Variants in KIF6 observed in about 807,000 individuals in gnomAD.
The protein encoded by KIF6 is kinesin family member 6, also known as kinesin-like protein KIF6.
A neutral mutation model predicts 112.7 loss-of-function variants in KIF6; 106 were observed. The observed-to-expected ratio is 0.94, with a 90% CI of 0.80 to 1.11. The LOEUF (loss-of-function observed/expected upper bound fraction) is 1.11, where lower values mean the gene tolerates loss of function less well. Among genes scored for constraint, KIF6 ranks in the 50% least tolerant of loss-of-function variants. KIF6 has a pLI of 0.00. For missense variants in KIF6, 929 were observed against 964.0 expected, an observed-to-expected ratio of 0.96 and a Z score of 0.48; for synonymous variants, 339 against 339.9, an observed-to-expected ratio of 1.00 and a Z score of 0.03.
chr6:39,455,476 A>G (rs1280946399), intron 13 of KIF6, among the ~76,000 whole-genome samples: 2 of 152,074 alleles, frequency 1.3e-5, no homozygotes. Context: ...TCCTCCTCCA[A>G]AGGAATGCAG....
At chr6:39,621,663 G>A (rs979753041) in intron 5 of KIF6, among the ~76,000 whole-genome samples, 8 of 152,134 alleles carry the variant, frequency 5.3e-5, no homozygotes, top group African/African-American at 1.9e-4. Context: ...AGTGTATGTT[G>A]CACATTAAAA....
At chr6:39,436,436 C>T (rs994677582) in intron 13 of KIF6, among the ~76,000 whole-genome samples, 2 of 151,374 alleles carry the variant, frequency 1.3e-5, no homozygotes, top group African/African-American at 4.8e-5. Context: ...GAATTCTTTG[C>T]CTAGTCCAAT....
chr6:39,668,381 A>G (rs906345691), intron 3 of KIF6, among the ~76,000 whole-genome samples: 1 of 152,188 alleles, frequency 6.6e-6, no homozygotes, highest in African/African-American at 2.4e-5. Flanking sequence ...GATAAGTTCA[A>G]ACACTGACTC....
chr6:39,610,861 T>A (rs185977235), intron 6 of KIF6, among the ~76,000 whole-genome samples: 1 of 152,178 alleles, frequency 6.6e-6, no homozygotes, highest in Admixed American at 6.5e-5. Context: ...CAAAACCTAT[T>A]AGACTTGGTT....
At chr6:39,502,552 G>A (rs1485696706) in intron 13 of KIF6, among the ~76,000 whole-genome samples, 21 of 152,158 alleles carry the variant, frequency 1.4e-4, no homozygotes, top group Non-Finnish European at 2.5e-4. Flanking sequence ...GGAATGGCAA[G>A]CAGGATAAAA....
chr6:39,535,603 C>T (rs1252575580), intron 13 of KIF6, among the ~76,000 whole-genome samples: 4 of 152,130 alleles, frequency 2.6e-5, no homozygotes, highest in Non-Finnish European at 1.5e-5. Flanking sequence ...GACTGCCACA[C>T]AATAATAATG....
chr6:39,639,944 C>A (rs979694494), intron 3 of KIF6, among the ~76,000 whole-genome samples, 187 bp from the exon 4 acceptor site: 1 of 152,090 alleles, frequency 6.6e-6, no homozygotes, highest in Admixed American at 6.6e-5. Flanking sequence ...AGCAGCACAT[C>A]AATCCTGTTC....
At chr6:39,464,078 C>G (rs1773644763) in intron 13 of KIF6, among the ~76,000 whole-genome samples, 1 of 152,112 alleles carries the variant, frequency 6.6e-6, no homozygotes, top group South Asian at 2.1e-4. Flanking sequence ...GATAGACTGG[C>G]AGGGGCCAGG....
intron 12 of KIF6, 25 bp from the exon 13 acceptor site, chr6:39,540,246 T>A: frequency 7.1e-7 from 1 of 1,404,368 alleles, no homozygotes; most frequent in Non-Finnish European, 1.0e-6. Context: ...AAGGATTTAA[T>A]GCCTGATGCT....
chr6:39,493,451 T>C (rs1034235304), intron 13 of KIF6, among the ~76,000 whole-genome samples: 2 of 152,238 alleles, frequency 1.3e-5, no homozygotes, highest in Admixed American at 6.5e-5. Flanking sequence ...TTGCAAGGCA[T>C]GTGACAGATT....
rs1443982685 is a variant in KIF6 at position 39,342,594 on chromosome 6, G to GTTTTTTTTTTTTTTTTTTTTTTTT, written c.2428+1114_2428+1115insAAAAAAAAAAAAAAAAAAAAAAAA. On this transcript the variant is annotated intron_variant, in intron 22 of 22. Transcript: ENST00000287152. This position sits in a 1 kb window ranked among gnomAD's most constrained non-coding sequence, Gnocchi z 4.7. ...GGGGACTTGGAGATCACTGAATCCA[G>GTTTTTTTTTTTTTTTTTTTTTTTT]TTTTTTATTTTTTTTTATTTTTTTT... Among the ~76,000 whole-genome samples the GTTTTTTTTTTTTTTTTTTTTTTTT allele has an allele frequency of 1.6e-5, 2 of 124,310 alleles. 1 individual carries two copies. Among genetic ancestry groups the GTTTTTTTTTTTTTTTTTTTTTTTT allele is most frequent in the African/African-American group, 8.8e-5 (2 of 22,826 alleles). The allele number at this position is 124,310 out of a possible 152,430, so 81.6% of individuals were successfully genotyped here. A position where few individuals can be genotyped will look rare whatever the true frequency, so the allele number is the denominator to read the frequency against.
At chr6:39,633,819 C>T (rs1784475872) in intron 5 of KIF6, among the ~76,000 whole-genome samples, 2 of 152,112 alleles carry the variant, frequency 1.3e-5, no homozygotes, top group South Asian at 4.1e-4. Flanking sequence ...TTAGAAGTGA[C>T]CTCAGTTATA....
At chr6:39,643,935 A>G (rs1167707855) in intron 3 of KIF6, among the ~76,000 whole-genome samples, 6 of 152,202 alleles carry the variant, frequency 3.9e-5, no homozygotes. Flanking sequence ...GGGACTTGTC[A>G]TCATATCCAT....
rs9462555 is a variant in KIF6, at chr6:39,553,214, G to A, written c.1182-7526C>T. On this transcript the variant is annotated intron_variant, in intron 10 of 22. Transcript: ENST00000287152. The stretch of plus-strand genomic sequence containing the variant: ...AATTGAGTTCAATGTCAGCAACTCT[G>A]TTGGAATGAGCTCTTTTTTTAAATA... Among the ~76,000 whole-genome samples, 433 of 152,296 alleles carry A rather than the reference G, an allele frequency of 2.8e-3. 2 individuals carry two copies. The highest frequency in any genetic ancestry group is 1.0e-2 in the African/African-American group (414 of 41,550).
intron 13 of KIF6, among the ~76,000 whole-genome samples, chr6:39,494,969 A>T (rs144840663): frequency 9.2e-5 from 14 of 152,304 alleles, no homozygotes; most frequent in Non-Finnish European, 1.0e-4. Context: ...TGGGGACATC[A>T]GAGGCCTCAG....
At chr6:39,624,969 G>A (rs889294369) in intron 5 of KIF6, among the ~76,000 whole-genome samples, 7 of 113,230 alleles carry the variant, frequency 6.2e-5, no homozygotes, top group African/African-American at 2.2e-4. Flanking sequence ...GAGGTAATTC[G>A]GTTTAAATGA....
In KIF6 at chr6:39,536,039, G is replaced by A. The variant is rs1450413259; in HGVS notation, c.1645+3964C>T. On this transcript the variant is annotated intron_variant, in intron 13 of 22. Transcript: ENST00000287152. The stretch of plus-strand genomic sequence containing the variant: ...ACAGGAACAAAGACACAACATACCA[G>A]AATCTCTGGGACACATTCAAAGCAG... Among the ~76,000 whole-genome samples the A allele has an allele frequency of 9.9e-5, 15 of 151,802 alleles. 1 individual carries two copies. In the South Asian group the frequency reaches 2.7e-3, roughly 28 times the overall value.
At chr6:39,723,107 A>C (rs1304155417) in intron 1 of KIF6, among the ~76,000 whole-genome samples, 1 of 152,202 alleles carries the variant, frequency 6.6e-6, no homozygotes, top group Non-Finnish European at 1.5e-5. Flanking sequence ...GTTACATACA[A>C]TACACTTTTT....
At chr6:39,454,679 G>T (rs532374047) in intron 13 of KIF6, among the ~76,000 whole-genome samples, 25 of 152,202 alleles carry the variant, frequency 1.6e-4, no homozygotes, top group African/African-American at 4.8e-5. Context: ...TGCGCGAGCC[G>T]AAGCAGGGCG....
Sources: allele counts gnomAD v4.1 joint callset (sites outside exome capture counted in the v4.1 genomes callset), GRCh38; gene constraint gnomAD v4.1.1; non-coding constraint Gnocchi (gnomAD v3.1); transcripts MANE v1.5; gene names NCBI Gene and HGNC (gene_info 2026-07-23, HGNC 2026-07-21).